FNIP2: variants seen among roughly 807,000 people sequenced by gnomAD.
FNIP2 encodes folliculin-interacting protein 2.
In FNIP2, 32 loss-of-function variants were observed where a neutral mutation model predicts 108.7. That is an observed-to-expected ratio of 0.29 (90% confidence interval 0.22 to 0.40). The LOEUF is 0.40. Among genes scored for constraint, FNIP2 ranks in the 10% least tolerant of loss-of-function variants. FNIP2 has a pLI of 1.00. For missense variants in FNIP2, 1,202 were observed against 1,381.6 expected (o/e 0.87, Z 2.06); for synonymous variants, 480 against 496.7 (o/e 0.97, Z 0.45).
At chr4:158,873,465 TC>T (rs1412512179) in intron 14 of FNIP2, among the ~76,000 whole-genome samples, 1 of 152,190 alleles carries the variant, frequency 6.6e-6, no homozygotes, top group African/African-American at 2.4e-5. Flanking sequence ...TGCCTCATTC[TC>T]CCAAGTAGAC....
At chr4:158,841,725 G>C (rs1359821375) in intron 7 of FNIP2, among the ~76,000 whole-genome samples, 1 of 152,226 alleles carries the variant, frequency 6.6e-6, no homozygotes, top group African/African-American at 2.4e-5. Context: ...ATCCACTCCA[G>C]AGTTCTGATG....
chr4:158,830,636 C>T (rs1348337647), intron 3 of FNIP2, among the ~76,000 whole-genome samples: 2 of 152,112 alleles, frequency 1.3e-5, no homozygotes, highest in African/African-American at 4.8e-5. Context: ...CGTATGTATG[C>T]TTGTGTGTCT....
intron 3 of FNIP2, among the ~76,000 whole-genome samples, chr4:158,830,295 G>A (rs1161398358): frequency 3.4e-5 from 4 of 116,562 alleles, no homozygotes; most frequent in South Asian, 2.8e-4. Context: ...TCGCTCTGTC[G>A]CCCAGGCCGG....
In FNIP2 at chr4:158,809,408, G is replaced by A. The variant is rs189453224; in HGVS notation, c.108-16508G>A. On this transcript the variant is annotated intron_variant, in intron 1 of 16. Transcript: ENST00000264433. ...TGGGATGCAGAGGTTGCAGTGAGCC[G>A]AGATCGTGCCACTGCACCCCAGCCT... Among the ~76,000 whole-genome samples, 566 of 152,256 alleles carry A rather than the reference G, an allele frequency of 3.7e-3. 6 individuals are homozygous for A. Among genetic ancestry groups the A allele is most frequent in the African/African-American group, 0.013 (530 of 41,548 alleles).
At chr4:158,892,585 G>C (rs1782353278) in intron 15 of FNIP2, among the ~76,000 whole-genome samples, 1 of 152,066 alleles carries the variant, frequency 6.6e-6, no homozygotes, top group African/African-American at 2.4e-5. Context: ...AGGGGGAAAG[G>C]TTTCAAAAGA....
chr4:158,906,477 T>C lies in FNIP2; in HGVS notation c.*1933T>C, dbSNP rs562771976. On this transcript the variant is annotated 3_prime_UTR_variant, in exon 17 of 17. Transcript: ENST00000264433. Reference sequence around the variant, plus strand: ...AGTGGCATGTTCATAATTAGACCCATATAGGGGACACTGAGCTTTAAATCG... The same window carrying C: ...AGTGGCATGTTCATAATTAGACCCACATAGGGGACACTGAGCTTTAAATCG... The C allele has an allele frequency of 6.6e-6, 1 of 152,312 alleles. No homozygotes were observed. Among genetic ancestry groups the C allele is most frequent in the African/African-American group, 2.4e-5 (1 of 41,558 alleles). 9.4% of individuals were successfully genotyped at this position (152,312 alleles called of 1,614,324 possible).
chr4:158,789,325 G>GTA (rs373876149), intron 1 of FNIP2, among the ~76,000 whole-genome samples: 8,637 of 120,934 alleles, frequency 0.071, 295 homozygotes, highest in South Asian at 0.09. Flanking sequence ...GTGTGTATGT[G>GTA]TGTGTGTGTG....
chr4:158,811,044 AG>A (rs1046891934), intron 1 of FNIP2, among the ~76,000 whole-genome samples: 6 of 152,194 alleles, frequency 3.9e-5, no homozygotes, highest in African/African-American at 1.4e-4. Flanking sequence ...AATTGGAGAG[AG>A]CAATAACTTG....
At chr4:158,785,142 G>C (rs529019298) in intron 1 of FNIP2, among the ~76,000 whole-genome samples, 1 of 146,312 alleles carries the variant, frequency 6.8e-6, no homozygotes, top group Non-Finnish European at 1.5e-5. Flanking sequence ...CTGGAGTGCA[G>C]TGGCACGATC....
At chr4:158,792,787 C>CCTCTGCAGCA (rs1442930726) in intron 1 of FNIP2, among the ~76,000 whole-genome samples, 1 of 152,108 alleles carries the variant, frequency 6.6e-6, no homozygotes. Flanking sequence ...CAGTAGAAGC[C>CCTCTGCAGCA]CTCTGCAGCA....
At position 158,853,117 on chromosome 4, in the gene FNIP2, T is replaced by C. The variant is rs545859777; in HGVS notation, c.857+1667T>C. Among the ~76,000 whole-genome samples, 5 of 152,266 alleles carry C rather than the reference T, an allele frequency of 3.3e-5. No individual in the cohort carries two copies. The South Asian group carries it at 1.0e-3, about 32-fold the overall frequency. On this transcript the variant is annotated intron_variant, in intron 8 of 16. Coordinates refer to ENST00000264433, the MANE Select transcript of FNIP2 (RefSeq NM_020840.3). ...AAACTAATAAATTCCAAACATAATA[T>C]TTTTGATGTCATAATTTTATATTAT...
chr4:158,891,283 C>T (rs992629695), intron 14 of FNIP2, among the ~76,000 whole-genome samples, 163 bp from the exon 15 acceptor site: 1 of 148,486 alleles, frequency 6.7e-6, no homozygotes, highest in Non-Finnish European at 1.5e-5. Context: ...CAGTGTTTAC[C>T]CTATTTACCC....
chr4:158,871,357 T>C (rs1213489890), intron 14 of FNIP2: 8 of 983,686 alleles, frequency 8.1e-6, no homozygotes, highest in East Asian at 1.1e-4. Context: ...CCTCATCGCA[T>C]TAAGAAAATC....
At chr4:158,777,210 T>C (rs1008264682) in intron 1 of FNIP2, among the ~76,000 whole-genome samples, 3 of 152,216 alleles carry the variant, frequency 2.0e-5, no homozygotes, top group African/African-American at 7.2e-5. Context: ...CTATATACTT[T>C]TCAGATTCAT....
At chr4:158,810,119 G>A (rs991881961) in intron 1 of FNIP2, among the ~76,000 whole-genome samples, 1 of 152,190 alleles carries the variant, frequency 6.6e-6, no homozygotes, top group Non-Finnish European at 1.5e-5. Context: ...AAAGAATTCT[G>A]AAGAGTATAA....
rs200367933 is a variant in FNIP2, at chr4:158,843,230, CAG to C, written c.727+7755_727+7756del. ...TCCAAAAAATTGTTTTTAATGAAGACAGGGGAAAAAAGAAAATCTAAATGCCG... is the reference window on the plus strand; with the variant it reads ...TCCAAAAAATTGTTTTTAATGAAGACGGGAAAAAAGAAAATCTAAATGCCG... On this transcript the variant is annotated intron_variant, in intron 7 of 16. Transcript: ENST00000264433. Among the ~76,000 whole-genome samples the C allele has an allele frequency of 8.0e-3, 1,214 of 152,204 alleles. 7 individuals are homozygous for C. The highest frequency in any genetic ancestry group is 0.011 in the Non-Finnish European group (772 of 67,998).
chr4:158,817,321 A>G (rs1229329738), intron 1 of FNIP2, among the ~76,000 whole-genome samples: 1 of 152,224 alleles, frequency 6.6e-6, no homozygotes, highest in Non-Finnish European at 1.5e-5. Context: ...TTGTGTTGAT[A>G]TTAAGATGCT....
chr4:158,774,034 T>G (rs1775780608), intron 1 of FNIP2, among the ~76,000 whole-genome samples: 1 of 152,162 alleles, frequency 6.6e-6, no homozygotes. Context: ...AAGAAAAATG[T>G]TCTCAATAGA....
At chr4:158,869,556 A>G in intron 13 of FNIP2, 128 bp downstream of exon 13, 3 of 1,279,152 alleles carry the variant, frequency 2.3e-6, no homozygotes, top group Non-Finnish European at 3.1e-6. Flanking sequence ...TCCACAAAGT[A>G]CTAGAAGTAT....
Sources: allele counts gnomAD v4.1 joint callset (sites outside exome capture counted in the v4.1 genomes callset), GRCh38; gene constraint gnomAD v4.1.1; transcripts MANE v1.5; gene names NCBI Gene and HGNC (gene_info 2026-07-23, HGNC 2026-07-21).